The following ITPR1 variants were observed in gnomAD, a reference collection of about 807,000 sequenced individuals.
ITPR1 encodes the protein inositol 1,4,5-trisphosphate-gated calcium channel ITPR1.
A neutral mutation model predicts 318.4 loss-of-function variants in ITPR1; 96 were observed. The ratio of observed to expected loss-of-function variants is 0.30; its 90% confidence interval spans 0.26 to 0.36. ITPR1 has a LOEUF of 0.36. ITPR1 is among the 10% of genes least tolerant of loss of function. The pLI, the probability that ITPR1 is intolerant of heterozygous loss-of-function variation, is 1.00. For synonymous variants in ITPR1, 1,312 were observed against 1,289.9 expected, an observed-to-expected ratio of 1.02 and a Z score of -0.37; for missense variants, 2,440 against 3,460.2, an observed-to-expected ratio of 0.71 and a Z score of 7.40.
chr3:4,627,515 T>G (rs2092871609), intron 4 of ITPR1, among the ~76,000 whole-genome samples: 1 of 152,070 alleles, frequency 6.6e-6, no homozygotes, highest in Admixed American at 6.6e-5. Flanking sequence ...AAACACTGAA[T>G]TTGTACAGCT....
chr3:4,676,457 G>T (rs1016706527), intron 23 of ITPR1, among the ~76,000 whole-genome samples, 157 bp from the exon 24 acceptor site: 41 of 152,250 alleles, frequency 2.7e-4, no homozygotes, highest in Admixed American at 5.2e-4. Flanking sequence ...CCAGATTTTT[G>T]ATGTGCATTT....
At chr3:4,645,519 G>C (rs779950820) in intron 9 of ITPR1, 49 bp downstream of exon 9, 1 of 1,605,168 alleles carries the variant, frequency 6.2e-7, no homozygotes, top group South Asian at 1.1e-5. Context: ...CTTCTTGGGG[G>C]CAGCAGTCTA....
At chr3:4,728,482 G>A (rs2042681726) in intron 42 of ITPR1, among the ~76,000 whole-genome samples, 1 of 152,110 alleles carries the variant, frequency 6.6e-6, no homozygotes, top group South Asian at 2.1e-4. Flanking sequence ...GTAGGTGTAT[G>A]TATTTATAGG....
chr3:4,563,240 T>G (rs980441002), intron 4 of ITPR1, among the ~76,000 whole-genome samples: 1 of 152,034 alleles, frequency 6.6e-6, no homozygotes, highest in African/African-American at 2.4e-5. Context: ...GTTGGCTGGG[T>G]GTCACACCTG....
At chr3:4,642,510 A>G (rs74880797) in intron 7 of ITPR1, among the ~76,000 whole-genome samples, 204 of 152,338 alleles carry the variant, frequency 1.3e-3, no homozygotes, top group Non-Finnish European at 2.2e-3. Flanking sequence ...GAACTTTACC[A>G]CAAAAACAGC....
At chr3:4,678,882 T>G (rs34917285) in intron 24 of ITPR1, among the ~76,000 whole-genome samples, 22,450 of 151,786 alleles carry the variant, frequency 0.15, 1,749 homozygotes, top group Middle Eastern at 0.23. Context: ...CAGAAGTGAG[T>G]TTGGAAAGGA....
chr3:4,669,586 G>A (rs1694185326), intron 18 of ITPR1, 68 bp from the exon 19 acceptor site: 1 of 1,497,222 alleles, frequency 6.7e-7, no homozygotes, highest in African/African-American at 1.4e-5. Flanking sequence ...ACTTAAGGAA[G>A]AATTGGGGTC....
At chr3:4,711,702 T>C (rs933947928) in intron 38 of ITPR1, 55 bp from the exon 39 acceptor site, 1 of 953,106 alleles carries the variant, frequency 1.0e-6, no homozygotes, top group African/African-American at 1.6e-5. Flanking sequence ...TTGTGAAGTC[T>C]TTTTAATTTA....
chr3:4,678,109 G>A (rs58366842), intron 24 of ITPR1, among the ~76,000 whole-genome samples: 3,254 of 152,186 alleles, frequency 0.021, 96 homozygotes, highest in African/African-American at 0.066. Flanking sequence ...AGATCTGGGG[G>A]TTTTATTTTT....
At position 4,696,980 on chromosome 3, in the gene ITPR1, G is replaced by A. The variant is rs568026278; in HGVS notation, c.4282-167G>A. Among the ~76,000 whole-genome samples the A allele has an allele frequency of 3.9e-5, 6 of 152,098 alleles. No individual in the cohort carries two copies. The South Asian group carries it at 1.0e-3, about 26-fold the overall frequency. ...TCTCTTCCAAAAGCTTTATGGTTTT[G>A]GATTTCATAATTGTGAATTTCAAAT... On this transcript the variant is annotated intron_variant, in intron 33 of 61. Coordinates refer to ENST00000649015, the MANE Select transcript of ITPR1 (RefSeq NM_001378452.1).
intron 4 of ITPR1, among the ~76,000 whole-genome samples, chr3:4,525,342 T>C (rs764809821): frequency 2.6e-5 from 4 of 152,190 alleles, no homozygotes; most frequent in Non-Finnish European, 4.4e-5. Context: ...TCACAGTAGA[T>C]ATAGAAGAGT....
intron 56 of ITPR1, among the ~76,000 whole-genome samples, chr3:4,812,888 G>T (rs1264210782): frequency 6.6e-6 from 1 of 152,180 alleles, no homozygotes; most frequent in Non-Finnish European, 1.5e-5. Flanking sequence ...TCAGCTGTTT[G>T]TCTTTAAAGT....
chr3:4,652,309 C>A, intron 11 of ITPR1, 91 bp downstream of exon 11: 2 of 887,030 alleles, frequency 2.3e-6, no homozygotes, highest in Non-Finnish European at 3.6e-6. Context: ...TTGTAAAAGG[C>A]TTAGGGAAAT....
chr3:4,780,312 C>A (rs970450461), intron 49 of ITPR1, among the ~76,000 whole-genome samples: 1 of 152,144 alleles, frequency 6.6e-6, no homozygotes, highest in Non-Finnish European at 1.5e-5. Flanking sequence ...GAATTCATGT[C>A]TCTTCTTGGT....
chr3:4,739,713 C>G (rs2043560243), intron 44 of ITPR1, among the ~76,000 whole-genome samples: 1 of 152,304 alleles, frequency 6.6e-6, no homozygotes, highest in African/African-American at 2.4e-5. Flanking sequence ...AAGCAATGGC[C>G]ATTTTGGTGC....
At chr3:4,537,474 G>A (rs1194484695) in intron 4 of ITPR1, among the ~76,000 whole-genome samples, 1 of 152,192 alleles carries the variant, frequency 6.6e-6, no homozygotes, top group South Asian at 2.1e-4. Flanking sequence ...GCCCCTGAAT[G>A]TCTTCATCCT....
intron 39 of ITPR1, among the ~76,000 whole-genome samples, chr3:4,716,776 G>C (rs778431161): frequency 6.6e-6 from 1 of 152,172 alleles, no homozygotes; most frequent in Admixed American, 6.5e-5. Flanking sequence ...ACACGATGCT[G>C]ATAAATCCCA....
At chr3:4,627,089 A>T (rs1352206029) in intron 4 of ITPR1, among the ~76,000 whole-genome samples, 1 of 152,066 alleles carries the variant, frequency 6.6e-6, no homozygotes, top group African/African-American at 2.4e-5. Flanking sequence ...CCAAAGTGCT[A>T]GGATTACAGG....
intron 12 of ITPR1, among the ~76,000 whole-genome samples, chr3:4,656,770 G>A (rs959487605): frequency 2.6e-5 from 4 of 152,156 alleles, no homozygotes; most frequent in Admixed American, 2.0e-4. Flanking sequence ...TGGAAAGGGG[G>A]CAGAGCTTCA....
Sources: gnomAD v4.1 joint callset for allele counts (sites outside exome capture counted in the v4.1 genomes callset) on GRCh38, gnomAD v4.1.1 for gene constraint, MANE v1.5 for transcripts, NCBI Gene and HGNC (gene_info 2026-07-23, HGNC 2026-07-21) for gene names.